ACOXL: variants seen among roughly 807,000 people sequenced by gnomAD.
The protein encoded by ACOXL is acyl-CoA oxidase like.
In ACOXL, 70 loss-of-function variants were observed where a neutral mutation model predicts 71.9. That is an observed-to-expected ratio of 0.97 (90% confidence interval 0.80 to 1.19). The LOEUF (loss-of-function observed/expected upper bound fraction) is 1.19, where lower values mean the gene tolerates loss of function less well. Ranked by LOEUF, ACOXL falls within the 50% of genes most tolerant of loss-of-function variation. The probability of loss-of-function intolerance (pLI) is 0.00; values close to 1 mark genes in which losing one functional copy is unlikely to be tolerated. For synonymous variants in ACOXL, 253 were observed against 281.6 expected (o/e 0.90, Z 1.02); for missense variants, 703 against 736.3 (o/e 0.95, Z 0.52).
intron 16 of ACOXL, among the ~76,000 whole-genome samples, chr2:111,056,088 A>G (rs571787935): frequency 6.6e-6 from 1 of 152,052 alleles, no homozygotes; most frequent in Admixed American, 6.6e-5. Context: ...ATAAGGGAAA[A>G]GATTTGGAGG....
chr2:111,074,392 A>T (rs1316879516), intron 16 of ACOXL, among the ~76,000 whole-genome samples: 1 of 151,976 alleles, frequency 6.6e-6, no homozygotes, highest in Non-Finnish European at 1.5e-5. Flanking sequence ...TATTCTCTAC[A>T]GGGCTTTCTG....
intron 5 of ACOXL, among the ~76,000 whole-genome samples, chr2:110,797,607 C>G (rs1286254997): frequency 6.6e-6 from 1 of 152,130 alleles, no homozygotes; most frequent in Non-Finnish European, 1.5e-5. Context: ...TCATTTAAAC[C>G]AAGATCCATG....
intron 9 of ACOXL, among the ~76,000 whole-genome samples, chr2:110,822,438 A>T (rs186589258): frequency 7.5e-4 from 114 of 152,084 alleles, no homozygotes; most frequent in African/African-American, 2.6e-3. Flanking sequence ...CGGTTTCTGT[A>T]TTTTTAACTC....
intron 15 of ACOXL, 109 bp downstream of exon 15, chr2:111,031,823 C>T: frequency 8.9e-7 from 1 of 1,129,882 alleles, no homozygotes; most frequent in Admixed American, 1.9e-5. Context: ...AGGGAAGGGA[C>T]AGTCCGTGTG....
intron 11 of ACOXL, among the ~76,000 whole-genome samples, chr2:110,914,664 T>G (rs2059772642): frequency 6.6e-6 from 1 of 152,220 alleles, no homozygotes; most frequent in Non-Finnish European, 1.5e-5. Context: ...AATTTTTGTT[T>G]TGTTTTGATT....
chr2:110,966,560 C>T (rs1430665520), intron 12 of ACOXL, among the ~76,000 whole-genome samples: 2 of 152,258 alleles, frequency 1.3e-5, no homozygotes, highest in Non-Finnish European at 2.9e-5. Context: ...CCTCTTCCCT[C>T]CCTGCCCCCT....
chr2:111,013,260 C>T (rs1317692185), intron 14 of ACOXL, among the ~76,000 whole-genome samples: 1 of 152,080 alleles, frequency 6.6e-6, no homozygotes, highest in Non-Finnish European at 1.5e-5. Context: ...TGCGGTGGCT[C>T]ATGCCTGTAA....
chr2:110,829,959 T>C (rs1689620535), intron 9 of ACOXL, among the ~76,000 whole-genome samples: 1 of 152,204 alleles, frequency 6.6e-6, no homozygotes, highest in East Asian at 1.9e-4. Flanking sequence ...TTTCATTCAG[T>C]GTGAATATGA....
At chr2:110,889,929 A>T (rs1697749719) in intron 10 of ACOXL, among the ~76,000 whole-genome samples, 1 of 152,180 alleles carries the variant, frequency 6.6e-6, no homozygotes, top group South Asian at 2.1e-4. Flanking sequence ...TATTCTCACC[A>T]AGCAGTATGT....
intron 12 of ACOXL, among the ~76,000 whole-genome samples, chr2:110,956,713 G>GTTT (rs2061515482): frequency 6.6e-6 from 1 of 152,138 alleles, no homozygotes; most frequent in South Asian, 2.1e-4. Flanking sequence ...GATTTAATCT[G>GTTT]TTTTGTCTTT....
At chr2:111,011,881 TAAAAAAAAAA>T (rs35965746) in intron 14 of ACOXL, among the ~76,000 whole-genome samples, 1 of 112,590 alleles carries the variant, frequency 8.9e-6, no homozygotes, top group Non-Finnish European at 1.7e-5. Flanking sequence ...GAGACTCTGT[TAAAAAAAAAA>T]AAAAAAAAAA....
chr2:110,834,737 A>G (rs1420119385), intron 9 of ACOXL, among the ~76,000 whole-genome samples: 2 of 152,192 alleles, frequency 1.3e-5, no homozygotes, highest in Non-Finnish European at 1.5e-5. Context: ...GGAGGTTGAG[A>G]GCAGAGGTGG....
At chr2:110,811,777 A>ACACG (rs1553548210) in intron 9 of ACOXL, among the ~76,000 whole-genome samples, 4 of 147,922 alleles carry the variant, frequency 2.7e-5, no homozygotes, top group African/African-American at 1.0e-4. Context: ...ACACACACAC[A>ACACG]CACACACACG....
chr2:110,750,180 T>A (rs1678741809), intron 1 of ACOXL, among the ~76,000 whole-genome samples: 2 of 152,204 alleles, frequency 1.3e-5, no homozygotes, highest in Non-Finnish European at 2.9e-5. Flanking sequence ...AGTGGGTAGG[T>A]GGGGCTAGTT....
chr2:111,056,369 G>A (rs2066538289), intron 16 of ACOXL, among the ~76,000 whole-genome samples: 1 of 152,084 alleles, frequency 6.6e-6, no homozygotes. Context: ...CCTATGTCAA[G>A]TATTCTGCAA....
At chr2:111,037,818 C>T (rs1391768645) in intron 15 of ACOXL, among the ~76,000 whole-genome samples, 2 of 152,180 alleles carry the variant, frequency 1.3e-5, no homozygotes, top group Admixed American at 1.3e-4. Flanking sequence ...ACCCCATCCA[C>T]CGCACTCTTT....
At chr2:110,874,339 G>T (rs1044872490) in intron 10 of ACOXL, among the ~76,000 whole-genome samples, 1 of 152,144 alleles carries the variant, frequency 6.6e-6, no homozygotes, top group Non-Finnish European at 1.5e-5. Context: ...TGCAAAATAC[G>T]TCTCTCCCAC....
intron 1 of ACOXL, among the ~76,000 whole-genome samples, chr2:110,743,830 G>A (rs1677843240): frequency 6.6e-6 from 1 of 152,332 alleles, no homozygotes. Context: ...TCTTGTGAAT[G>A]TGCCTACACA....
intron 10 of ACOXL, among the ~76,000 whole-genome samples, chr2:110,886,383 T>TTC (rs1477707026): frequency 3.9e-4 from 58 of 149,884 alleles, no homozygotes; most frequent in African/African-American, 1.4e-3. Context: ...TCTTTTTCTT[T>TTC]TTTTTTTTTT....
Sources: allele counts gnomAD v4.1 joint callset (sites outside exome capture counted in the v4.1 genomes callset), GRCh38; gene constraint gnomAD v4.1.1; transcripts MANE v1.5; gene names NCBI Gene and HGNC (gene_info 2026-07-23, HGNC 2026-07-21).